Variants in SOX5 observed in about 807,000 individuals in gnomAD.
SOX5 encodes the protein SRY-box transcription factor 5, also known as transcription factor SOX-5.
In SOX5, 9 loss-of-function variants were observed where a neutral mutation model predicts 92.0. The observed-to-expected ratio is 0.10, with a 90% CI of 0.06 to 0.17. The LOEUF (loss-of-function observed/expected upper bound fraction) is 0.17. Ranked by LOEUF, SOX5 falls within the 10% of genes least tolerant of loss-of-function variation. The probability of loss-of-function intolerance (pLI) is 1.00; values close to 1 mark genes in which losing one functional copy is unlikely to be tolerated. For missense variants in SOX5, 642 were observed against 944.5 expected (o/e 0.68, Z 4.20); for synonymous variants, 344 against 336.3 (o/e 1.02, Z -0.25).
chr12:24,419,891 C>A (rs146071813), intron 1 of SOX5, among the ~76,000 whole-genome samples: 13 of 152,102 alleles, frequency 8.5e-5, no homozygotes, highest in Admixed American at 8.5e-4. Flanking sequence ...GCTGTAGAGA[C>A]AGTAACTTGT....
intron 3 of SOX5, among the ~76,000 whole-genome samples, chr12:24,248,755 C>T (rs1939420006): frequency 6.6e-6 from 1 of 152,118 alleles, no homozygotes; most frequent in South Asian, 2.1e-4. Flanking sequence ...CATCCTTGGA[C>T]TGTAGTTTCT....
chr12:24,382,240 T>C (rs1405326723), intron 1 of SOX5, among the ~76,000 whole-genome samples: 4 of 152,070 alleles, frequency 2.6e-5, no homozygotes, highest in Non-Finnish European at 5.9e-5. Context: ...AAGCTGCCAT[T>C]TGAGTCAAGA....
chr12:23,564,215 T>G (rs1432852166), intron 10 of SOX5, among the ~76,000 whole-genome samples: 2 of 152,230 alleles, frequency 1.3e-5, no homozygotes, highest in Admixed American at 1.3e-4. Flanking sequence ...CAACCAAAAC[T>G]AATTTTTACT....
intron 7 of SOX5, among the ~76,000 whole-genome samples, chr12:23,658,366 C>G (rs2139238225): frequency 6.6e-6 from 1 of 152,204 alleles, no homozygotes; most frequent in South Asian, 2.1e-4. Context: ...ATTTTTGAAC[C>G]CAGTTCTCTT....
chr12:23,968,326 T>A lies in SOX5; in HGVS notation c.-1-72302A>T, dbSNP rs531282486. The stretch of plus-strand genomic sequence containing the variant: ...CTAAATCCAGTGGAAACTCTTCAAG[T>A]CTTATACTACTTGACCTTGGCTAAG... On this transcript the variant is annotated intron_variant, in intron 4 of 4. Coordinates refer to the SOX5 transcript ENST00000446891. Among the ~76,000 whole-genome samples the A allele has an allele frequency of 1.4e-4, 22 of 152,308 alleles. 1 individual carries two copies. The South Asian group carries it at 4.3e-3, about 30-fold the overall frequency.
chr12:24,201,117 T>G (rs1221935163), intron 4 of SOX5, among the ~76,000 whole-genome samples: 2 of 152,174 alleles, frequency 1.3e-5, no homozygotes, highest in Non-Finnish European at 2.9e-5. Context: ...ACTTAGGCAC[T>G]AACTCTTGTG....
chr12:24,204,311 T>C (rs940983227), intron 4 of SOX5, among the ~76,000 whole-genome samples: 1 of 145,924 alleles, frequency 6.9e-6, no homozygotes, highest in East Asian at 2.6e-4. Flanking sequence ...ATTTTTCCAT[T>C]ATTATTATTA....
intron 1 of SOX5, 26 bp downstream of exon 1, chr12:23,949,538 T>A (rs371923536): frequency 1.2e-6 from 2 of 1,613,030 alleles, no homozygotes; most frequent in Admixed American, 3.3e-5. Context: ...TACTTCAATA[T>A]ATTAGGGGGA....
At chr12:23,748,330 A>G (rs2094064921) in intron 4 of SOX5, among the ~76,000 whole-genome samples, 2 of 152,080 alleles carry the variant, frequency 1.3e-5, no homozygotes, top group Non-Finnish European at 2.9e-5. Context: ...AAGAACAAAG[A>G]AAAGTCCTTG....
upstream of SOX5, among the ~76,000 whole-genome samples, chr12:23,954,851 T>G (rs1246649438): frequency 1.3e-5 from 2 of 152,104 alleles, no homozygotes; most frequent in African/African-American, 4.8e-5. Flanking sequence ...CATACTTCTC[T>G]CAAAGAAATG....
At chr12:23,881,436 C>A (rs940592947) in intron 2 of SOX5, among the ~76,000 whole-genome samples, 1 of 152,158 alleles carries the variant, frequency 6.6e-6, no homozygotes, top group Non-Finnish European at 1.5e-5. Flanking sequence ...TAATGCTCTG[C>A]ATATGACAAG....
chr12:23,723,608 A>G (rs2092951855), intron 6 of SOX5, among the ~76,000 whole-genome samples: 1 of 151,080 alleles, frequency 6.6e-6, no homozygotes, highest in South Asian at 2.1e-4. Flanking sequence ...ACGCACTCAC[A>G]CACACACAAA....
chr12:23,991,975 A>G (rs1176443368), intron 4 of SOX5, among the ~76,000 whole-genome samples: 2 of 152,150 alleles, frequency 1.3e-5, no homozygotes, highest in African/African-American at 4.8e-5. Flanking sequence ...ATCTTATACT[A>G]TGCAGCTTTC....
intron 10 of SOX5, among the ~76,000 whole-genome samples, chr12:23,573,489 T>C (rs1948679777): frequency 6.6e-6 from 1 of 152,196 alleles, no homozygotes; most frequent in Admixed American, 6.6e-5. Flanking sequence ...CCTAGGCTAG[T>C]ATGACATTAC....
rs76984958 is a variant in SOX5, at chr12:24,303,452, A to C, written c.-173-26140T>G. The stretch of plus-strand genomic sequence containing the variant: ...CTTGATGAGAGCAGAAACCTTGTTA[A>C]TCACTGGCAATAGGTGCTCTATTTA... On this transcript the variant is annotated intron_variant, in intron 2 of 4. Transcript: ENST00000446891. Among the ~76,000 whole-genome samples, 936 of 152,320 alleles carry C rather than the reference A, an allele frequency of 6.1e-3. 7 individuals carry two copies. The highest frequency in any genetic ancestry group is 0.022 in the African/African-American group (906 of 41,566).
At chr12:24,534,845 T>C (rs1301751422) in intron 1 of SOX5, among the ~76,000 whole-genome samples, 1 of 152,064 alleles carries the variant, frequency 6.6e-6, no homozygotes, top group Non-Finnish European at 1.5e-5. Context: ...TGAGAACACA[T>C]CCCCAGAGTC....
At chr12:23,943,013 C>T (rs1051920332) in intron 1 of SOX5, among the ~76,000 whole-genome samples, 2 of 152,094 alleles carry the variant, frequency 1.3e-5, no homozygotes, top group African/African-American at 4.8e-5. Flanking sequence ...CTCTTACCTA[C>T]ACTATGTGTT....
chr12:24,177,065 G>A lies in SOX5; in HGVS notation c.-2+36278C>T, dbSNP rs528502010. ...AGGTCACTTCTTTATTCAAATCCAT[G>A]TTGTGTTTGAAATACATCTTAAACC... On this transcript the variant is annotated intron_variant, in intron 4 of 4. Coordinates refer to the SOX5 transcript ENST00000446891. Among the ~76,000 whole-genome samples the A allele has an allele frequency of 1.8e-4, 26 of 147,328 alleles. No individual in the cohort carries two copies. In the Admixed American group the frequency reaches 1.8e-3, roughly 10 times the overall value.
rs142751956 is a variant in SOX5 at position 24,415,710 on chromosome 12, C to T, written c.-250-47071G>A. On this transcript the variant is annotated intron_variant, in intron 1 of 4. Transcript: ENST00000446891. ...CTAATATTACTGTCATAGACAGTCTCAATCCATCTCTGAGTATGAAGTCAA... is the reference window on the plus strand; with the variant it reads ...CTAATATTACTGTCATAGACAGTCTTAATCCATCTCTGAGTATGAAGTCAA... Among the ~76,000 whole-genome samples the T allele has an allele frequency of 1.6e-3, 245 of 152,320 alleles. 1 individual carries two copies. Among genetic ancestry groups the T allele is most frequent in the African/African-American group, 5.2e-3 (218 of 41,582 alleles).
Sources: gnomAD v4.1 joint callset for allele counts (sites outside exome capture counted in the v4.1 genomes callset) on GRCh38, gnomAD v4.1.1 for gene constraint, MANE v1.5 for transcripts, NCBI Gene and HGNC (gene_info 2026-07-23, HGNC 2026-07-21) for gene names.